Variants in SMIM13 observed in about 807,000 individuals in gnomAD.
The protein encoded by SMIM13 is small integral membrane protein 13.
In SMIM13, 3 loss-of-function variants were observed where a neutral mutation model predicts 5.9. The observed-to-expected ratio is 0.51, with a 90% CI of 0.23 to 1.31. The LOEUF (loss-of-function observed/expected upper bound fraction) is 1.31. Among genes scored for constraint, SMIM13 ranks in the 40% most tolerant of loss-of-function variants. SMIM13 has a pLI of 0.18. For missense variants in SMIM13, 85 were observed against 109.9 expected, an observed-to-expected ratio of 0.77 and a Z score of 1.01; for synonymous variants, 55 against 46.0, an observed-to-expected ratio of 1.19 and a Z score of -0.79.
At chr6:11,106,929 C>T (rs960432093) in intron 1 of SMIM13, among the ~76,000 whole-genome samples, 2 of 152,190 alleles carry the variant, frequency 1.3e-5, no homozygotes, top group Non-Finnish European at 2.9e-5. Flanking sequence ...GAACCAGAAA[C>T]GTGTATTTGG....
At chr6:11,110,175 A>G (rs1758146947) in intron 1 of SMIM13, among the ~76,000 whole-genome samples, 2 of 152,166 alleles carry the variant, frequency 1.3e-5, no homozygotes, top group Non-Finnish European at 1.5e-5. Context: ...CCTCCCACTC[A>G]TCCAAGGGGT....
rs1179827259 is a variant in SMIM13 at position 11,136,009 on chromosome 6, AAC to A, written c.*1411_*1412del. The A allele has an allele frequency of 1.3e-5, 2 of 152,184 alleles. No individual in the cohort carries two copies. The highest frequency in any genetic ancestry group is 4.8e-5 in the African/African-American group (2 of 41,446). 9.4% of individuals were successfully genotyped at this position (152,184 alleles called of 1,614,324 possible). A position where few individuals can be genotyped will look rare whatever the true frequency, so the allele number is the denominator to read the frequency against. ...ATGTTAAACTTGTAATCCTGTGTGAAACACATGTTTTTGGGGGGGAGGGGGTA... is the reference window on the plus strand; with the variant it reads ...ATGTTAAACTTGTAATCCTGTGTGAAACATGTTTTTGGGGGGGAGGGGGTA... On this transcript the variant is annotated 3_prime_UTR_variant, in exon 2 of 2. Coordinates refer to ENST00000416247, the MANE Select transcript of SMIM13 (RefSeq NM_001135575.2).
intron 1 of SMIM13, among the ~76,000 whole-genome samples, chr6:11,094,957 A>T (rs1757903732): frequency 6.6e-6 from 1 of 152,188 alleles, no homozygotes. Context: ...GTTCTATAAT[A>T]ATGGTGCTAT....
chr6:11,120,294 T>C (rs1758293485), intron 1 of SMIM13, among the ~76,000 whole-genome samples: 1 of 152,200 alleles, frequency 6.6e-6, no homozygotes, highest in Non-Finnish European at 1.5e-5. Flanking sequence ...CCAGGTGGCT[T>C]ATAAACAACG....
chr6:11,105,225 T>G (rs772185245), intron 1 of SMIM13: 14 of 1,614,064 alleles, frequency 8.7e-6, no homozygotes, highest in Non-Finnish European at 1.1e-5. Flanking sequence ...GAGCAGTTGC[T>G]GAGCTTTTTC....
intron 1 of SMIM13, among the ~76,000 whole-genome samples, chr6:11,122,604 C>T (rs1275643400): frequency 2.0e-5 from 3 of 151,710 alleles, no homozygotes; most frequent in African/African-American, 7.3e-5. Flanking sequence ...TCAGGCCTAT[C>T]TTCTTGTGAC....
At chr6:11,129,084 G>GGC (rs1554119928) in intron 1 of SMIM13, among the ~76,000 whole-genome samples, 2 of 151,536 alleles carry the variant, frequency 1.3e-5, no homozygotes, top group Non-Finnish European at 2.9e-5. Context: ...GGAGCGGGGG[G>GGC]GGGATGATCA....
chr6:11,094,457 G>GT (rs556724563), intron 1 of SMIM13, 68 bp downstream of exon 1: 15,954 of 1,262,120 alleles, frequency 0.013, 208 homozygotes, highest in African/African-American at 0.048. Flanking sequence ...GGTTTTTTTT[G>GT]TTGTTTGTTT....
chr6:11,131,416 T>A (rs1389601556), intron 1 of SMIM13, among the ~76,000 whole-genome samples: 1 of 152,052 alleles, frequency 6.6e-6, no homozygotes, highest in African/African-American at 2.4e-5. Context: ...TTTTTTTTTT[T>A]TACTGAAATC....
chr6:11,133,927 T>C (rs2113671684), intron 1 of SMIM13, among the ~76,000 whole-genome samples: 2 of 152,198 alleles, frequency 1.3e-5, no homozygotes, highest in Middle Eastern at 6.8e-3. Flanking sequence ...AACTTACGAA[T>C]AGCTTGGTCC....
chr6:11,118,441 T>G (rs925892885), intron 1 of SMIM13, among the ~76,000 whole-genome samples: 1 of 152,202 alleles, frequency 6.6e-6, no homozygotes, highest in Non-Finnish European at 1.5e-5. Flanking sequence ...ACAGGGAGAA[T>G]AATAGTTGAT....
At chr6:11,096,735 C>T (rs1020843597) in intron 1 of SMIM13, among the ~76,000 whole-genome samples, 22 of 150,046 alleles carry the variant, frequency 1.5e-4, no homozygotes, top group African/African-American at 4.7e-4. Context: ...GTTTCACTCT[C>T]GTTGCCCAGG....
chr6:11,117,339 ATTT>A (rs34219527), intron 1 of SMIM13, among the ~76,000 whole-genome samples: 114 of 133,030 alleles, frequency 8.6e-4, no homozygotes, highest in Middle Eastern at 4.1e-3. Flanking sequence ...AATTTTTTGT[ATTT>A]TTTTTTTTTT....
At chr6:11,096,537 A>G (rs1757925911) in intron 1 of SMIM13, among the ~76,000 whole-genome samples, 1 of 152,120 alleles carries the variant, frequency 6.6e-6, no homozygotes, top group Non-Finnish European at 1.5e-5. Flanking sequence ...TCATCTTTTG[A>G]CTAGGATGGG....
chr6:11,120,001 T>C (rs1345544876), intron 1 of SMIM13, among the ~76,000 whole-genome samples: 1 of 152,218 alleles, frequency 6.6e-6, no homozygotes, highest in Non-Finnish European at 1.5e-5. Flanking sequence ...TTGGACATAC[T>C]GTCTCATAGA....
chr6:11,115,938 C>T (rs559970071), intron 1 of SMIM13, among the ~76,000 whole-genome samples: 1 of 150,754 alleles, frequency 6.6e-6, no homozygotes, highest in Non-Finnish European at 1.5e-5. Flanking sequence ...CCAACTGCTT[C>T]GGCCTCCCAA....
At chr6:11,119,406 G>T (rs62395439) in intron 1 of SMIM13, among the ~76,000 whole-genome samples, 2 of 152,122 alleles carry the variant, frequency 1.3e-5, no homozygotes, top group South Asian at 4.1e-4. Context: ...TGTAATCCCA[G>T]CACTTTGGGA....
intron 1 of SMIM13, among the ~76,000 whole-genome samples, chr6:11,096,464 C>G (rs1027041400): frequency 9.2e-5 from 14 of 152,154 alleles, no homozygotes; most frequent in Non-Finnish European, 1.2e-4. Flanking sequence ...GAACTAAAAG[C>G]TCTATGATGA....
At position 11,135,344 on chromosome 6, in the gene SMIM13, T is replaced by A. The variant is rs2113672832; in HGVS notation, c.*742T>A. The stretch of plus-strand genomic sequence containing the variant: ...GTAGATGAAGCTGTACTACGTTTCG[T>A]CAGTGAGACACGTGCAAAAGGATTG... On this transcript the variant is annotated 3_prime_UTR_variant, in exon 2 of 2. Transcript: ENST00000416247. 1 of 152,712 alleles carries A rather than the reference T, an allele frequency of 6.5e-6. No individual in the cohort carries two copies. Among genetic ancestry groups the A allele is most frequent in the East Asian group, 1.9e-4 (1 of 5,188 alleles). 9.5% of individuals were successfully genotyped at this position (152,712 alleles called of 1,614,324 possible).
Sources: allele counts gnomAD v4.1 joint callset (sites outside exome capture counted in the v4.1 genomes callset), GRCh38; gene constraint gnomAD v4.1.1; transcripts MANE v1.5; gene names NCBI Gene and HGNC (gene_info 2026-07-23, HGNC 2026-07-21).